Variants in OTULINL observed in about 807,000 individuals in gnomAD.
The protein encoded by OTULINL is OTU deubiquitinase with linear linkage specificity like, also known as inactive ubiquitin thioesterase OTULINL.
A neutral mutation model predicts 43.9 loss-of-function variants in OTULINL; 42 were observed. That is an observed-to-expected ratio of 0.96 (90% CI 0.75 to 1.24). The LOEUF (loss-of-function observed/expected upper bound fraction) is 1.24. Ranked by LOEUF, OTULINL falls within the 50% of genes most tolerant of loss-of-function variation. OTULINL has a pLI of 0.00. For missense variants in OTULINL, 411 were observed against 426.4 expected (o/e 0.96, Z 0.32); for synonymous variants, 172 against 153.6 (o/e 1.12, Z -0.88).
intron 5 of OTULINL, among the ~76,000 whole-genome samples, chr5:14,606,534 T>G (rs1242937764): frequency 2.6e-5 from 4 of 152,238 alleles, no homozygotes; most frequent in Non-Finnish European, 5.9e-5. Context: ...ATAATCTTAT[T>G]TAATCCTAAC....
intron 1 of OTULINL, among the ~76,000 whole-genome samples, chr5:14,598,098 CAG>C (rs1238960885): frequency 7.9e-5 from 12 of 152,292 alleles, no homozygotes; most frequent in African/African-American, 2.9e-4. Context: ...TCAAATTCCA[CAG>C]GGGCTAGTTG....
chr5:14,592,614 T>C (rs1406712745), intron 1 of OTULINL, among the ~76,000 whole-genome samples: 1 of 152,214 alleles, frequency 6.6e-6, no homozygotes, highest in Non-Finnish European at 1.5e-5. Flanking sequence ...TGTGGACATA[T>C]TGCTGAGGGA....
Position 14,614,425 on chromosome 5 carries a change from C to G in OTULINL, c.*4111C>G, listed in dbSNP as rs1759634456. ...ACAATGTCCATTTTACAGCTAGACA[C>G]AAAATTTAGTGGGTCCAAATTGTTC... On this transcript the variant is annotated 3_prime_UTR_variant, in exon 8 of 8. Coordinates refer to ENST00000274217, the MANE Select transcript of OTULINL (RefSeq NM_019018.3). The G allele has an allele frequency of 2.5e-6, 1 of 395,886 alleles. No homozygotes were observed. The allele number at this position is 395,886 out of a possible 1,614,324, so 24.5% of individuals were successfully genotyped here.
At chr5:14,609,774 G>A (rs899785032) in intron 7 of OTULINL, among the ~76,000 whole-genome samples, 2 of 152,024 alleles carry the variant, frequency 1.3e-5, no homozygotes, top group African/African-American at 2.4e-5. Flanking sequence ...GGGACTACAG[G>A]CGCCCGCCAC....
At position 14,610,203 on chromosome 5, in the gene OTULINL, G is replaced by A. The variant is rs766017386; in HGVS notation, c.960G>A (p.Lys320=). The change falls in exon 8 of 8, where the codon AAG becomes AAA. Residue 320 remains lysine (K), a synonymous_variant. Coordinates refer to ENST00000274217, the MANE Select transcript of OTULINL (RefSeq NM_019018.3). ...AGATAAAAGTGTTCAGACTGTTCAA[G>A]TTTAACTCCAGAGACTTTGAAGTCT... ...EVKIKVFRLF[K]FNSRDFEVCY... 3.1e-6 allele frequency: 5 copies of A among 1,614,112 alleles called. No homozygotes were observed. The Admixed American group carries it at 8.3e-5, about 27-fold the overall frequency.
At position 14,615,046 on chromosome 5, in the gene OTULINL, C is replaced by T. The variant is rs1190161219; in HGVS notation, c.*4732C>T. ...CTAGATGGGCTGTAAAACCCATTTCCACACGAGTATAAATTTAAAACAGAA... is the reference window on the plus strand; with the variant it reads ...CTAGATGGGCTGTAAAACCCATTTCTACACGAGTATAAATTTAAAACAGAA... On this transcript the variant is annotated 3_prime_UTR_variant, in exon 8 of 8. Coordinates refer to ENST00000274217, the MANE Select transcript of OTULINL (RefSeq NM_019018.3). 3 of 292,972 alleles carry T rather than the reference C, an allele frequency of 1.0e-5. No individual in the cohort carries two copies. Among genetic ancestry groups the T allele is most frequent in the Admixed American group, 5.1e-5 (1 of 19,476 alleles). 18.1% of individuals were successfully genotyped at this position (292,972 alleles called of 1,614,324 possible). A position where few individuals can be genotyped will look rare whatever the true frequency, so the allele number is the denominator to read the frequency against.
intron 1 of OTULINL, among the ~76,000 whole-genome samples, chr5:14,595,327 G>A (rs969991802): frequency 3.3e-5 from 5 of 152,146 alleles, no homozygotes; most frequent in Non-Finnish European, 4.4e-5. Flanking sequence ...CTATGCAGCT[G>A]GCCCATGAGG....
intron 5 of OTULINL, 49 bp downstream of exon 5, chr5:14,602,381 G>A (rs1356166466): frequency 3.9e-6 from 6 of 1,548,876 alleles, no homozygotes. Flanking sequence ...GACAATAACT[G>A]CAACTCAGAC....
At position 14,611,374 on chromosome 5, in the gene OTULINL, A is replaced by G. The variant is rs965062657; in HGVS notation, c.*1060A>G. The stretch of plus-strand genomic sequence containing the variant: ...GTCAGAGGGGAATGTGAAATATGGA[A>G]GAACGGTTAGAGAGAGATGCACCAT... On this transcript the variant is annotated 3_prime_UTR_variant, in exon 8 of 8. Coordinates refer to ENST00000274217, the MANE Select transcript of OTULINL (RefSeq NM_019018.3). The G allele has an allele frequency of 6.6e-6, 1 of 152,262 alleles. No homozygotes were observed. Among genetic ancestry groups the G allele is most frequent in the African/African-American group, 2.4e-5 (1 of 41,458 alleles). 9.4% of individuals were successfully genotyped at this position (152,262 alleles called of 1,614,324 possible). A position where few individuals can be genotyped will look rare whatever the true frequency, so the allele number is the denominator to read the frequency against.
chr5:14,587,683 T>G (rs1759130164), intron 1 of OTULINL, among the ~76,000 whole-genome samples: 1 of 152,154 alleles, frequency 6.6e-6, no homozygotes, highest in African/African-American at 2.4e-5. Flanking sequence ...ATTAGATCAG[T>G]TTTATCCATG....
At chr5:14,591,786 G>A (rs771236729) in intron 1 of OTULINL, among the ~76,000 whole-genome samples, 35 of 152,210 alleles carry the variant, frequency 2.3e-4, no homozygotes, top group Admixed American at 5.9e-4. Context: ...TGCTGTGAAT[G>A]TATCATCTAA....
Position 14,581,792 on chromosome 5 carries a change from G to A in OTULINL, c.-103G>A, listed in dbSNP as rs1758999826. On this transcript the variant is annotated 5_prime_UTR_variant, in exon 1 of 8. Transcript: ENST00000274217. ...ACGCCTCCCCCGCCCTCCCCAGCCCGCCTCAGGGAAGCGAGCCCGGGCGCC... is the reference window on the plus strand; with the variant it reads ...ACGCCTCCCCCGCCCTCCCCAGCCCACCTCAGGGAAGCGAGCCCGGGCGCC... 1 of 884,424 alleles carries A rather than the reference G, an allele frequency of 1.1e-6. No homozygotes were observed. Among genetic ancestry groups the A allele is most frequent in the Non-Finnish European group, 1.5e-6 (1 of 668,292 alleles). 54.8% of individuals were successfully genotyped at this position (884,424 alleles called of 1,614,324 possible).
At chr5:14,592,667 GC>G (rs1179529836) in intron 1 of OTULINL, among the ~76,000 whole-genome samples, 1 of 152,158 alleles carries the variant, frequency 6.6e-6, no homozygotes, top group Admixed American at 6.5e-5. Flanking sequence ...TCTGCCTTTA[GC>G]CCAAAGCATT....
rs1013655166 is a variant in OTULINL at position 14,581,972 on chromosome 5, CGGGCG to C, written c.64+28_64+32del. 291 of 655,100 alleles carry C rather than the reference CGGGCG, an allele frequency of 4.4e-4. No homozygotes were observed. The highest frequency in any genetic ancestry group is 3.7e-3 in the African/African-American group (193 of 52,444). The allele number at this position is 655,100 out of a possible 1,614,324, so 40.6% of individuals were successfully genotyped here. A position where few individuals can be genotyped will look rare whatever the true frequency, so the allele number is the denominator to read the frequency against. On this transcript the variant is annotated intron_variant, in intron 1 of 7. Transcript: ENST00000274217. ...CTCCCGCCGCAGGTGAGCCTGGGGC[CGGGCG>C]GGGCGGGGCGGGGGGCGCGAGCAGG...
intron 1 of OTULINL, among the ~76,000 whole-genome samples, chr5:14,594,075 C>T (rs1690822595): frequency 6.6e-6 from 1 of 152,028 alleles, no homozygotes; most frequent in Admixed American, 6.5e-5. Context: ...TTCAGATGGT[C>T]CTTTGAGTTT....
chr5:14,588,215 A>T (rs964289936), intron 1 of OTULINL, among the ~76,000 whole-genome samples: 2 of 152,234 alleles, frequency 1.3e-5, no homozygotes, highest in African/African-American at 4.8e-5. Flanking sequence ...CCCCAACGTG[A>T]CTATTCCTCC....
At chr5:14,588,595 C>G (rs1172967139) in intron 1 of OTULINL, among the ~76,000 whole-genome samples, 2 of 152,188 alleles carry the variant, frequency 1.3e-5, no homozygotes, top group Non-Finnish European at 2.9e-5. Context: ...AGAACAGCCC[C>G]AAATAGGTGA....
At chr5:14,588,317 A>C (rs1466249276) in intron 1 of OTULINL, among the ~76,000 whole-genome samples, 1 of 152,128 alleles carries the variant, frequency 6.6e-6, no homozygotes, top group Non-Finnish European at 1.5e-5. Context: ...GTTTGCTCAC[A>C]GGGGAGGAAG....
intron 1 of OTULINL, among the ~76,000 whole-genome samples, chr5:14,584,351 C>T (rs560405413): frequency 1.2e-4 from 18 of 152,236 alleles, no homozygotes; most frequent in Admixed American, 6.5e-5. Context: ...TCTTAGGGGC[C>T]GGTGTTGGGG....
Sources: allele counts gnomAD v4.1 joint callset (sites outside exome capture counted in the v4.1 genomes callset), GRCh38; gene constraint gnomAD v4.1.1; transcripts MANE v1.5; gene names NCBI Gene and HGNC (gene_info 2026-07-23, HGNC 2026-07-21).